Variants in NPFFR2 observed in about 807,000 individuals in gnomAD.
NPFFR2 encodes the protein neuropeptide FF receptor 2, also known as G-protein coupled receptor 74.
NPFFR2 carries 15 observed loss-of-function variants against 13.1 expected under a neutral mutation model. That is an observed-to-expected ratio of 1.15 (90% confidence interval 0.77 to 1.76). The LOEUF (loss-of-function observed/expected upper bound fraction) is 1.76. Among genes scored for constraint, NPFFR2 ranks in the 40% most tolerant of loss-of-function variants. NPFFR2 has a pLI of 0.00. For synonymous variants in NPFFR2, 190 were observed against 175.7 expected, an observed-to-expected ratio of 1.08 and a Z score of -0.65; for missense variants, 572 against 503.5, an observed-to-expected ratio of 1.14 and a Z score of -1.30.
chr4:72,053,228 A>G (rs1421988001), intron 1 of NPFFR2, among the ~76,000 whole-genome samples: 1 of 151,822 alleles, frequency 6.6e-6, no homozygotes, highest in Non-Finnish European at 1.5e-5. Flanking sequence ...AGAAAACAAT[A>G]ATAATGACAA....
intron 3 of NPFFR2, among the ~76,000 whole-genome samples, chr4:72,143,968 T>C (rs1469929574): frequency 6.6e-6 from 1 of 152,178 alleles, no homozygotes; most frequent in Non-Finnish European, 1.5e-5. Flanking sequence ...ATGACTTCTC[T>C]ATACTTTCAG....
At chr4:72,123,317 G>A (rs143571683) in intron 1 of NPFFR2, among the ~76,000 whole-genome samples, 4,611 of 152,200 alleles carry the variant, frequency 0.03, 208 homozygotes, top group African/African-American at 0.1. Flanking sequence ...TGGATTCACA[G>A]CCGAATTCTA....
chr4:72,084,006 C>A (rs1163872479), intron 1 of NPFFR2, among the ~76,000 whole-genome samples: 1 of 152,098 alleles, frequency 6.6e-6, no homozygotes, highest in Admixed American at 6.6e-5. Context: ...ATCACCCATC[C>A]ATCCTTTTCT....
chr4:72,128,140 T>A (rs979267341), intron 1 of NPFFR2, among the ~76,000 whole-genome samples: 1 of 152,154 alleles, frequency 6.6e-6, no homozygotes, highest in Non-Finnish European at 1.5e-5. Context: ...CAAGAAGTTA[T>A]TTCTTTAGGA....
intron 1 of NPFFR2, 46 bp from the exon 2 acceptor site, chr4:72,128,539 A>G (rs369957151): frequency 1.3e-5 from 15 of 1,199,254 alleles, no homozygotes; most frequent in African/African-American, 7.7e-5. Flanking sequence ...TTTATGCTTT[A>G]CTGGTTCCTA....
At chr4:72,126,609 T>C (rs1029047362) in intron 1 of NPFFR2, among the ~76,000 whole-genome samples, 1 of 152,124 alleles carries the variant, frequency 6.6e-6, no homozygotes, top group Non-Finnish European at 1.5e-5. Flanking sequence ...CTAGACTGTT[T>C]GTACAAACAA....
At position 72,128,586 on chromosome 4, in the gene NPFFR2, T is replaced by TTCA; in HGVS notation, c.-1_2dup. On this transcript the variant is annotated splice_region_variant and 5_prime_UTR_variant, in exon 2 of 4. Coordinates refer to ENST00000308744, the MANE Select transcript of NPFFR2 (RefSeq NM_004885.3). ...CTTTTCTGTCTCTTCTTTATTAAGGTTCATCATGAATGAGAAATGGGACAC... is the reference window on the plus strand; with the variant it reads ...CTTTTCTGTCTCTTCTTTATTAAGGTTCATCATCATGAATGAGAAATGGGACAC... The TTCA allele has an allele frequency of 1.9e-6, 3 of 1,584,688 alleles. No individual in the cohort carries two copies. The highest frequency in any genetic ancestry group is 8.6e-7 in the Non-Finnish European group (1 of 1,160,376).
chr4:72,097,796 C>A (rs1721112756), intron 1 of NPFFR2, among the ~76,000 whole-genome samples: 1 of 152,120 alleles, frequency 6.6e-6, no homozygotes, highest in South Asian at 2.1e-4. Flanking sequence ...ATACAACCCC[C>A]AAAATACACA....
chr4:72,141,854 T>A (rs1447695953), intron 3 of NPFFR2, among the ~76,000 whole-genome samples: 2 of 152,144 alleles, frequency 1.3e-5, no homozygotes, highest in East Asian at 3.8e-4. Flanking sequence ...ATATTGACAG[T>A]GGGGTGTTAA....
At chr4:72,109,556 C>T (rs1274467920) in intron 1 of NPFFR2, among the ~76,000 whole-genome samples, 1 of 151,982 alleles carries the variant, frequency 6.6e-6, no homozygotes, top group African/African-American at 2.4e-5. Context: ...AACCCAGTGC[C>T]TGCTCACTTC....
intron 1 of NPFFR2, among the ~76,000 whole-genome samples, chr4:72,107,819 C>CA (rs1416909047): frequency 2.0e-5 from 3 of 151,830 alleles, no homozygotes; most frequent in Non-Finnish European, 4.4e-5. Flanking sequence ...ACTTGTATGT[C>CA]AAAAAATACA....
At chr4:72,119,686 T>G (rs1308819869) in intron 1 of NPFFR2, among the ~76,000 whole-genome samples, 1 of 152,068 alleles carries the variant, frequency 6.6e-6, no homozygotes, top group Admixed American at 6.6e-5. Flanking sequence ...GTTTGGGAAA[T>G]CCCTCTCCTA....
chr4:72,107,746 A>G (rs1263223723), intron 1 of NPFFR2, among the ~76,000 whole-genome samples: 1 of 152,004 alleles, frequency 6.6e-6, no homozygotes, highest in African/African-American at 2.4e-5. Context: ...CCTAAGTGAA[A>G]CAGTTCTCAC....
intron 1 of NPFFR2, among the ~76,000 whole-genome samples, chr4:72,077,564 G>T (rs1720484429): frequency 6.6e-6 from 1 of 152,024 alleles, no homozygotes; most frequent in African/African-American, 2.4e-5. Context: ...TTTACAAACA[G>T]GTTGATTATT....
At chr4:72,124,556 G>T (rs747764870) in intron 1 of NPFFR2, among the ~76,000 whole-genome samples, 2 of 151,992 alleles carry the variant, frequency 1.3e-5, no homozygotes, top group African/African-American at 4.8e-5. Flanking sequence ...TAAACAGCAT[G>T]GTACCAGTAC....
At chr4:72,056,711 T>A (rs546516469) in intron 1 of NPFFR2, among the ~76,000 whole-genome samples, 1 of 152,170 alleles carries the variant, frequency 6.6e-6, no homozygotes, top group Admixed American at 6.6e-5. Context: ...GTAGTCAAAA[T>A]GTTAACATTA....
intron 1 of NPFFR2, among the ~76,000 whole-genome samples, chr4:72,107,022 C>T (rs1721438002): frequency 6.6e-6 from 1 of 151,690 alleles, no homozygotes; most frequent in African/African-American, 2.4e-5. Context: ...TTAGAGAATC[C>T]AATATCTACC....
At chr4:72,143,795 G>T (rs1057020038) in intron 3 of NPFFR2, among the ~76,000 whole-genome samples, 16 of 152,110 alleles carry the variant, frequency 1.1e-4, no homozygotes, top group Non-Finnish European at 2.1e-4. Context: ...TAGTTCCTAA[G>T]CAGAACAGAC....
intron 1 of NPFFR2, among the ~76,000 whole-genome samples, chr4:72,059,823 G>A (rs1200589144): frequency 1.3e-5 from 2 of 152,052 alleles, no homozygotes; most frequent in Non-Finnish European, 2.9e-5. Context: ...TCAGGCTAAT[G>A]TTCTATTATT....
Sources: allele counts gnomAD v4.1 joint callset (sites outside exome capture counted in the v4.1 genomes callset), GRCh38; gene constraint gnomAD v4.1.1; transcripts MANE v1.5; gene names NCBI Gene and HGNC (gene_info 2026-07-23, HGNC 2026-07-21).